The following UGT8 variants were observed in gnomAD, a reference collection of about 807,000 sequenced individuals.
UGT8 encodes the protein UDP glycosyltransferase 8.
Under a neutral mutation model 40.5 loss-of-function variants are expected in UGT8, and 12 were observed. The ratio of observed to expected loss-of-function variants is 0.30; its 90% CI spans 0.19 to 0.48. The LOEUF (loss-of-function observed/expected upper bound fraction) is 0.48. UGT8 is among the 20% of genes least tolerant of loss of function. The probability of loss-of-function intolerance (pLI) is 0.99; values close to 1 mark genes in which losing one functional copy is unlikely to be tolerated. For missense variants in UGT8, 513 were observed against 648.7 expected, an observed-to-expected ratio of 0.79 and a Z score of 2.27; for synonymous variants, 224 against 240.4, an observed-to-expected ratio of 0.93 and a Z score of 0.63.
intron 1 of UGT8, among the ~76,000 whole-genome samples, chr4:114,607,329 C>T (rs1024722086): frequency 1.3e-5 from 2 of 152,104 alleles, no homozygotes; most frequent in Non-Finnish European, 2.9e-5. Flanking sequence ...GAACCTTGAT[C>T]CCACTGAAAT....
intron 4 of UGT8, 73 bp downstream of exon 4, chr4:114,665,829 T>C: frequency 1.5e-6 from 2 of 1,299,956 alleles, no homozygotes; most frequent in Non-Finnish European, 2.2e-6. Flanking sequence ...TTTTTTTTTT[T>C]TTACTTCAGA....
intron 1 of UGT8, among the ~76,000 whole-genome samples, chr4:114,613,461 AC>A (rs996598052): frequency 3.3e-5 from 5 of 152,206 alleles, no homozygotes; most frequent in African/African-American, 1.2e-4. Flanking sequence ...CTTATTAAGT[AC>A]TAAAAATAGT....
intron 2 of UGT8, 145 bp from the exon 3 acceptor site, chr4:114,663,850 T>A: frequency 2.1e-6 from 3 of 1,410,078 alleles, no homozygotes; most frequent in Non-Finnish European, 2.8e-6. Flanking sequence ...CAAAAGCAGT[T>A]ATTTAGAAGA....
chr4:114,613,081 ATAAAT>A (rs922434404), intron 1 of UGT8, among the ~76,000 whole-genome samples: 3 of 152,184 alleles, frequency 2.0e-5, no homozygotes, highest in African/African-American at 4.8e-5. Context: ...AATTAGGGAC[ATAAAT>A]TAAATGACTT....
At chr4:114,649,786 T>C (rs535910859) in intron 2 of UGT8, among the ~76,000 whole-genome samples, 1 of 152,236 alleles carries the variant, frequency 6.6e-6, no homozygotes, top group African/African-American at 2.4e-5. Context: ...TCCACAATGA[T>C]CTACCTATGT....
chr4:114,663,909 G>T (rs1734700320), intron 2 of UGT8, 86 bp from the exon 3 acceptor site: 6 of 1,538,542 alleles, frequency 3.9e-6, no homozygotes, highest in Non-Finnish European at 5.3e-6. Context: ...TTACTTAAAA[G>T]GTTTTTTTTT....
intron 2 of UGT8, among the ~76,000 whole-genome samples, chr4:114,654,768 A>G (rs1451553569): frequency 6.6e-6 from 1 of 152,090 alleles, no homozygotes; most frequent in Admixed American, 6.6e-5. Context: ...CTCACATAGG[A>G]TTACTTCTTC....
rs1329075502 is a variant in UGT8, at chr4:114,676,007, G to C, written c.1345G>C (p.Asp449His). Residue 449 changes from aspartate (D) to histidine (H), a missense_variant, in exon 6 of 6, where the codon GAT (aspartate) becomes CAT (histidine). Transcript: ENST00000310836. ...HPVNRTIYWIDYIIRHNGAHH... is the reference protein window; with the variant it reads ...HPVNRTIYWIHYIIRHNGAHH... ...TGTCAATCGAACTATCTATTGGATA[G>C]ATTATATTATTCGTCACAATGGAGC... 6.2e-7 allele frequency: 1 copy of C among 1,614,174 alleles called. No individual in the cohort carries two copies. The highest frequency in any genetic ancestry group is 1.7e-5 in the Admixed American group (1 of 60,022).
At position 114,607,233 on chromosome 4, in the gene UGT8, G is replaced by A. The variant is rs140376851; in HGVS notation, c.-3+8259G>A. 5.6e-3 allele frequency among the ~76,000 whole-genome samples: 849 copies of A among 152,234 alleles called. 6 individuals carry two copies. The highest frequency in any genetic ancestry group is 0.017 in the Middle Eastern group (5 of 294). The stretch of plus-strand genomic sequence containing the variant: ...AAGTCAAAATGACAATCCAGTCTGG[G>A]GAATTTGATGTTAAAACTAAAGCTT... On this transcript the variant is annotated intron_variant, in intron 1 of 5. Transcript: ENST00000310836.
intron 2 of UGT8, among the ~76,000 whole-genome samples, chr4:114,643,091 G>T (rs1179357727): frequency 6.6e-6 from 1 of 152,038 alleles, no homozygotes; most frequent in Non-Finnish European, 1.5e-5. Context: ...AAGGTCCAAG[G>T]TAAAAACTAT....
chr4:114,616,194 A>G (rs986487196), intron 1 of UGT8, among the ~76,000 whole-genome samples: 1 of 152,154 alleles, frequency 6.6e-6, no homozygotes, highest in Non-Finnish European at 1.5e-5. Context: ...CCCTGCCCCC[A>G]GAGGTGGAGT....
chr4:114,647,355 T>TG (rs1323379670), intron 2 of UGT8, among the ~76,000 whole-genome samples: 10 of 115,296 alleles, frequency 8.7e-5, no homozygotes, highest in South Asian at 3.7e-4. Context: ...AATTAGCTCT[T>TG]TTGTGTGTGT....
rs62308131 is a variant in UGT8 at position 114,650,190 on chromosome 4, A to G, written c.823-13805A>G. Reference sequence around the variant, plus strand: ...TCACATTTGTTGCCTTTGGAGTTGCATTATTTCAGAATGCCTGGCAATTGG... The same window carrying G: ...TCACATTTGTTGCCTTTGGAGTTGCGTTATTTCAGAATGCCTGGCAATTGG... On this transcript the variant is annotated intron_variant, in intron 2 of 5. Transcript: ENST00000310836. 6.6e-3 allele frequency among the ~76,000 whole-genome samples: 1,010 copies of G among 152,296 alleles called. 4 individuals are homozygous for G. The highest frequency in any genetic ancestry group is 0.01 in the Non-Finnish European group (687 of 68,010).
chr4:114,615,833 C>T (rs553355410), intron 1 of UGT8, among the ~76,000 whole-genome samples: 4 of 152,278 alleles, frequency 2.6e-5, no homozygotes, highest in South Asian at 4.1e-4. Context: ...AATTGTCTTT[C>T]GTCTTTTTGG....
intron 1 of UGT8, among the ~76,000 whole-genome samples, chr4:114,606,328 G>A (rs1730727052): frequency 6.6e-6 from 1 of 152,160 alleles, no homozygotes; most frequent in Non-Finnish European, 1.5e-5. Context: ...TGCTTTGAGA[G>A]AGCTGTTCTA....
intron 4 of UGT8, 130 bp downstream of exon 4, chr4:114,665,886 A>C: frequency 1.8e-6 from 1 of 568,584 alleles, no homozygotes; most frequent in African/African-American, 2.0e-5. Flanking sequence ...TAGAGTTATT[A>C]TGTTTTTTAT....
chr4:114,651,882 A>G (rs1171774119), intron 2 of UGT8, among the ~76,000 whole-genome samples: 1 of 152,110 alleles, frequency 6.6e-6, no homozygotes, highest in East Asian at 1.9e-4. Context: ...TTTTTTATGG[A>G]TTTGATTTAG....
chr4:114,645,771 A>G (rs1180655696), intron 2 of UGT8, among the ~76,000 whole-genome samples: 1 of 152,154 alleles, frequency 6.6e-6, no homozygotes, highest in Admixed American at 6.5e-5. Context: ...TTGTGCCTTG[A>G]TATGATACAC....
rs567483618 is a variant in UGT8 at position 114,675,911 on chromosome 4, T to A, written c.1263-14T>A. 265 of 1,595,380 alleles carry A rather than the reference T, an allele frequency of 1.7e-4. 3 individuals are homozygous for A. In the South Asian group the frequency reaches 2.9e-3, roughly 17 times the overall value. On this transcript the variant is annotated splice_polypyrimidine_tract_variant and intron_variant, in intron 5 of 5. Coordinates refer to ENST00000310836, the MANE Select transcript of UGT8 (RefSeq NM_001128174.3). ...ATAAGCATCATCATTCTGTGTTTTG[T>A]CCCCTCTCCATAGCTACCGTCAGAG... is the stretch of plus-strand genomic sequence containing the variant.
Sources: gnomAD v4.1 joint callset for allele counts (sites outside exome capture counted in the v4.1 genomes callset) on GRCh38, gnomAD v4.1.1 for gene constraint, MANE v1.5 for transcripts, NCBI Gene and HGNC (gene_info 2026-07-23, HGNC 2026-07-21) for gene names.